The following NAV3 variants were observed in gnomAD, a reference collection of about 807,000 sequenced individuals.
The protein encoded by NAV3 is neuron navigator 3.
A neutral mutation model predicts 244.7 loss-of-function variants in NAV3; 87 were observed. The ratio of observed to expected loss-of-function variants is 0.36; its 90% CI spans 0.30 to 0.42. NAV3 has a LOEUF of 0.42. Among genes scored for constraint, NAV3 ranks in the 20% least tolerant of loss-of-function variants. The pLI, the probability that NAV3 is intolerant of heterozygous loss-of-function variation, is 1.00. For synonymous variants in NAV3, 1,126 were observed against 1,042.2 expected (o/e 1.08, Z -1.55); for missense variants, 2,663 against 2,893.3 (o/e 0.92, Z 1.83).
chr12:77,618,948 G>T (rs1049472825), intron 2 of NAV3, among the ~76,000 whole-genome samples: 1 of 152,176 alleles, frequency 6.6e-6, no homozygotes, highest in Non-Finnish European at 1.5e-5. Context: ...CATAAGCTTT[G>T]TGTTATGCAA....
intron 2 of NAV3, among the ~76,000 whole-genome samples, chr12:77,761,089 A>AT (rs1246800517): frequency 6.6e-6 from 1 of 152,160 alleles, no homozygotes; most frequent in Non-Finnish European, 1.5e-5. Context: ...ATGGAGTCTC[A>AT]TGCCATCATC....
chr12:77,916,443 T>C (rs529022722), intron 1 of NAV3, among the ~76,000 whole-genome samples: 1 of 152,086 alleles, frequency 6.6e-6, no homozygotes, highest in East Asian at 1.9e-4. Flanking sequence ...TGATTAATCC[T>C]ATCAAGAGAA....
chr12:77,688,361 T>A (rs1874854893), intron 2 of NAV3, among the ~76,000 whole-genome samples: 1 of 152,048 alleles, frequency 6.6e-6, no homozygotes, highest in Non-Finnish European at 1.5e-5. Context: ...TTCTACCCTA[T>A]GCCACTTCTT....
intron 36 of NAV3, 142 bp from the exon 37 acceptor site, chr12:78,199,193 A>C: frequency 1.3e-6 from 1 of 750,376 alleles, no homozygotes; most frequent in Non-Finnish European, 2.3e-6. Flanking sequence ...TGATCATGAA[A>C]AGGTGGCCAC....
intron 12 of NAV3, among the ~76,000 whole-genome samples, chr12:78,097,070 GA>G (rs1954290811): frequency 6.6e-6 from 1 of 152,202 alleles, no homozygotes; most frequent in Admixed American, 6.5e-5. Context: ...CTCAGAAACA[GA>G]GACCAGGGTG....
intron 2 of NAV3, among the ~76,000 whole-genome samples, chr12:77,691,730 A>G (rs1875041971): frequency 6.6e-6 from 1 of 151,818 alleles, no homozygotes; most frequent in Admixed American, 6.6e-5. Flanking sequence ...TATATTAGAT[A>G]TGCTTTAAAG....
intron 12 of NAV3, among the ~76,000 whole-genome samples, chr12:78,116,011 A>G (rs1955359005): frequency 6.6e-6 from 1 of 152,212 alleles, no homozygotes; most frequent in African/African-American, 2.4e-5. Context: ...GGATTTTCTT[A>G]TGCACTGTGT....
intron 2 of NAV3, among the ~76,000 whole-genome samples, chr12:77,623,949 C>T (rs573199935): frequency 2.0e-5 from 3 of 152,160 alleles, no homozygotes; most frequent in African/African-American, 4.8e-5. Context: ...CTAAACTCAT[C>T]CATTCTTTCA....
At chr12:77,918,872 A>C (rs1338303627) in intron 1 of NAV3, among the ~76,000 whole-genome samples, 1 of 152,064 alleles carries the variant, frequency 6.6e-6, no homozygotes, top group Non-Finnish European at 1.5e-5. Context: ...AAGCCAGCCA[A>C]ATGACCAACC....
At chr12:77,736,152 T>G (rs984228795) in intron 2 of NAV3, among the ~76,000 whole-genome samples, 2 of 152,180 alleles carry the variant, frequency 1.3e-5, no homozygotes, top group African/African-American at 4.8e-5. Context: ...GCATTAGGAG[T>G]TATTTCTTTA....
intron 11 of NAV3, among the ~76,000 whole-genome samples, chr12:78,056,672 T>C (rs1883555494): frequency 6.6e-6 from 1 of 150,884 alleles, no homozygotes; most frequent in South Asian, 2.1e-4. Context: ...GAGGTTGCAG[T>C]GAGCCGAGAT....
rs140213642 is a variant in NAV3, at chr12:77,584,928, T to C, written c.72+12662T>C. Among the ~76,000 whole-genome samples, 272 of 152,348 alleles carry C rather than the reference T, an allele frequency of 1.8e-3. 2 individuals carry two copies. The highest frequency in any genetic ancestry group is 6.2e-3 in the African/African-American group (258 of 41,584). On this transcript the variant is annotated intron_variant, in intron 2 of 8. Transcript: ENST00000550042. The stretch of plus-strand genomic sequence containing the variant: ...TAATTATGCATGCCTCCAGCTACCA[T>C]GTTAGCACAGAGTCTGGTATCTAAT...
intron 1 of NAV3, among the ~76,000 whole-genome samples, chr12:77,918,009 C>A (rs1887328301): frequency 6.6e-6 from 1 of 152,026 alleles, no homozygotes; most frequent in South Asian, 2.1e-4. Flanking sequence ...AGAGAGTCAG[C>A]AGCATTGTTT....
intron 24 of NAV3, among the ~76,000 whole-genome samples, chr12:78,173,553 A>G (rs1339907394): frequency 6.6e-6 from 1 of 151,612 alleles, no homozygotes; most frequent in Non-Finnish European, 1.5e-5. Context: ...ATATTCTTCT[A>G]TTGCCCATTT....
At chr12:78,086,216 C>A (rs1953630202) in intron 12 of NAV3, among the ~76,000 whole-genome samples, 1 of 151,992 alleles carries the variant, frequency 6.6e-6, no homozygotes, top group Non-Finnish European at 1.5e-5. Flanking sequence ...AGTATTACTA[C>A]CAAAATTGCA....
intron 2 of NAV3, among the ~76,000 whole-genome samples, chr12:77,612,084 T>C (rs930491044): frequency 2.0e-5 from 3 of 152,094 alleles, no homozygotes; most frequent in African/African-American, 7.2e-5. Context: ...TAGGTTATTT[T>C]TCAGAAAAGA....
intron 7 of NAV3, among the ~76,000 whole-genome samples, chr12:78,006,201 C>G (rs192691366): frequency 1.3e-5 from 2 of 151,930 alleles, no homozygotes; most frequent in African/African-American, 4.8e-5. Context: ...CACGTCCCCC[C>G]ACAGCCCCCA....
chr12:78,151,802 G>C (rs527719877), intron 22 of NAV3, among the ~76,000 whole-genome samples: 84 of 151,158 alleles, frequency 5.6e-4, no homozygotes, highest in African/African-American at 1.9e-3. Flanking sequence ...ATCATTGGGG[G>C]AAACTGGATG....
At position 77,711,615 on chromosome 12, in the gene NAV3, C is replaced by T. The variant is rs533442433; in HGVS notation, c.72+139349C>T. Among the ~76,000 whole-genome samples, 3 of 152,262 alleles carry T rather than the reference C, an allele frequency of 2.0e-5. No individual in the cohort carries two copies. The South Asian group carries it at 6.2e-4, about 32-fold the overall frequency. On this transcript the variant is annotated intron_variant, in intron 2 of 8. Coordinates refer to the NAV3 transcript ENST00000550042. Reference sequence around the variant, plus strand: ...TCAGGAGCAGCTAAAGGGCAGGTGCCCTGATGTCCTGTCAGTCCTATTCAG... The same window carrying T: ...TCAGGAGCAGCTAAAGGGCAGGTGCTCTGATGTCCTGTCAGTCCTATTCAG...
Sources: gnomAD v4.1 joint callset for allele counts (sites outside exome capture counted in the v4.1 genomes callset) on GRCh38, gnomAD v4.1.1 for gene constraint, MANE v1.5 for transcripts, NCBI Gene and HGNC (gene_info 2026-07-23, HGNC 2026-07-21) for gene names.